The following KEAP1 variants were observed in gnomAD, a reference collection of about 807,000 sequenced individuals.
KEAP1 encodes kelch like ECH associated protein 1, also known as kelch-like ECH-associated protein 1.
A neutral mutation model predicts 59.7 loss-of-function variants in KEAP1; 26 were observed. That is an observed-to-expected ratio of 0.44 (90% CI 0.32 to 0.60). The LOEUF is 0.60. KEAP1 is among the 20% of genes least tolerant of loss of function. The pLI, the probability that KEAP1 is intolerant of heterozygous loss-of-function variation, is 0.06. For synonymous variants in KEAP1, 350 were observed against 358.3 expected, an observed-to-expected ratio of 0.98 and a Z score of 0.26; for missense variants, 539 against 871.4, an observed-to-expected ratio of 0.62 and a Z score of 4.80.
intron 2 of KEAP1, 195 bp from the exon 3 acceptor site, chr19:10,492,457 G>A: frequency 5.2e-6 from 3 of 575,634 alleles, no homozygotes; most frequent in South Asian, 4.1e-5. Flanking sequence ...GGTGGCTCAC[G>A]CCTGTAATGC....
chr19:10,500,202 A>C (rs1914993682), intron 1 of KEAP1, 122 bp from the exon 2 acceptor site: 3 of 710,826 alleles, frequency 4.2e-6, no homozygotes, highest in Admixed American at 6.3e-5. Flanking sequence ...GGTGAAGCAG[A>C]ATCCATTTGC....
At chr19:10,498,640 G>C (rs907595225) in intron 2 of KEAP1, among the ~76,000 whole-genome samples, 2 of 152,054 alleles carry the variant, frequency 1.3e-5, no homozygotes, top group Non-Finnish European at 1.5e-5. Context: ...AGCCTGTCAC[G>C]GGTGTCCAAT....
intron 2 of KEAP1, among the ~76,000 whole-genome samples, chr19:10,494,023 C>T (rs1033886118): frequency 4.6e-5 from 7 of 152,022 alleles, no homozygotes; most frequent in African/African-American, 1.7e-4. Context: ...CTCACTGTAG[C>T]CTTGAACTCC....
rs549967865 is a variant in KEAP1, at chr19:10,489,693, C to T, written c.1486G>A (p.Glu496Lys). The T allele has an allele frequency of 1.2e-4, 189 of 1,613,998 alleles. No individual in the cohort carries two copies. The highest frequency in any genetic ancestry group is 1.5e-4 in the Non-Finnish European group (174 of 1,180,002). ...TTCATTGCTGTGATCATTCGCCACT[C>T]GTTCCTCTCTGGGTAGTAACACTCA... ...SAECYYPERN[E>K]WRMITAMNTI... is the part of the protein sequence containing the mutation. Residue 496 changes from glutamate to lysine, a missense_variant, in exon 4 of 6, where the codon GAG becomes AAG. Coordinates refer to ENST00000171111, the MANE Select transcript of KEAP1 (RefSeq NM_203500.2).
In KEAP1 at chr19:10,492,229, G is replaced by A. The variant is rs149170394; in HGVS notation, c.673C>T (p.His225Tyr). 6.2e-7 allele frequency: 1 copy of A among 1,613,652 alleles called. No individual in the cohort carries two copies. The highest frequency in any genetic ancestry group is 1.3e-5 in the African/African-American group (1 of 74,904). ...CTGATGAGGGTCACCAGTTGGCAGT[G>A]GGACAGGTTGAAGAACTCCTCTTGC... ...AKQEEFFNLS[H>Y]CQLVTLISRD... The change falls in exon 3 of 6, where the codon CAC becomes TAC. Residue 225 changes from histidine (H) to tyrosine (Y), a missense_variant. This residue lies in a region of KEAP1 where 1 missense variants were observed against 20.5 expected (regional missense o/e 0.05). Coordinates refer to ENST00000171111, the MANE Select transcript of KEAP1 (RefSeq NM_203500.2).
intron 5 of KEAP1, among the ~76,000 whole-genome samples, chr19:10,487,784 T>C (rs990955988): frequency 1.3e-5 from 2 of 151,822 alleles, no homozygotes; most frequent in Non-Finnish European, 2.9e-5. Context: ...TCACCTGAGG[T>C]CAGGAGTTCA....
Position 10,503,118 on chromosome 19 carries a change from G to A in KEAP1, c.-48+123C>T, listed in dbSNP as rs1170955927. On this transcript the variant is annotated intron_variant, in intron 1 of 5. Coordinates refer to ENST00000171111, the MANE Select transcript of KEAP1 (RefSeq NM_203500.2). This position sits in a 1 kb window ranked among gnomAD's most constrained non-coding sequence, Gnocchi z 4.3. ...CTCAGCCCCCAGGTCGCCTCCGTAG[G>A]GGGTCCCTCGGGGTGGGGATGGCCG... is the stretch of plus-strand genomic sequence containing the variant. 6.6e-6 allele frequency: 1 copy of A among 152,198 alleles called. No individual in the cohort carries two copies. Among genetic ancestry groups the A allele is most frequent in the Admixed American group, 6.5e-5 (1 of 15,280 alleles). The allele number at this position is 152,198 out of a possible 1,614,324, so 9.4% of individuals were successfully genotyped here. A position where few individuals can be genotyped will look rare whatever the true frequency, so the allele number is the denominator to read the frequency against.
At position 10,491,516 on chromosome 19, in the gene KEAP1, G is replaced by A. The variant is rs2144595636; in HGVS notation, c.1325+61C>T. ...CCTCAGGAAGAATACCCGGATCTCA[G>A]TGTCTTGGGACTTGCCAGGAGCAGG... On this transcript the variant is annotated intron_variant, in intron 3 of 5. Transcript: ENST00000171111. This position sits in a 1 kb window ranked among gnomAD's most constrained non-coding sequence, Gnocchi z 5.2. The A allele has an allele frequency of 1.5e-6, 2 of 1,365,218 alleles. No individual in the cohort carries two copies. Among genetic ancestry groups the A allele is most frequent in the South Asian group, 1.6e-5 (1 of 61,856 alleles). The allele number at this position is 1,365,218 out of a possible 1,614,324, so 84.6% of individuals were successfully genotyped here.
At chr19:10,493,395 C>A (rs1006317217) in intron 2 of KEAP1, among the ~76,000 whole-genome samples, 1 of 151,910 alleles carries the variant, frequency 6.6e-6, no homozygotes, top group African/African-American at 2.4e-5. Context: ...ATCTCCTGAC[C>A]TTGTGATCCA....
chr19:10,486,425 C>G lies in KEAP1; in HGVS notation c.*227G>C, dbSNP rs1160646248. 7.7e-6 allele frequency: 4 copies of G among 519,114 alleles called. No homozygotes were observed. Among genetic ancestry groups the G allele is most frequent in the African/African-American group, 3.9e-5 (2 of 50,972 alleles). The allele number at this position is 519,114 out of a possible 1,614,324, so 32.2% of individuals were successfully genotyped here. ...CTGGAAGCCTGCTCTTTCCACACCC[C>G]CTTTCCCAGCCAGGCTGTCTTGGAC... On this transcript the variant is annotated 3_prime_UTR_variant, in exon 6 of 6. Coordinates refer to ENST00000171111, the MANE Select transcript of KEAP1 (RefSeq NM_203500.2).
At position 10,491,923 on chromosome 19, in the gene KEAP1, G is replaced by A. The variant is rs2144600867; in HGVS notation, c.979C>T (p.Leu327=). The change falls in exon 3 of 6, where the codon CTG becomes TTG. Residue 327 remains leucine (L), a synonymous_variant. Transcript: ENST00000171111. The surrounding 1 kb of genome is among the most constrained non-coding windows in gnomAD (Gnocchi z 5.2). ...AAGTAGCCGCCCGCGGTGTAGATCA[G>A]GCGGCCCACCTTGGGCGCCCGGCAG... ...MPCRAPKVGR[L]IYTAGGYFRQ... 1 of 1,543,428 alleles carries A rather than the reference G, an allele frequency of 6.5e-7. No individual in the cohort carries two copies. Among genetic ancestry groups the A allele is most frequent in the East Asian group, 2.4e-5 (1 of 40,962 alleles).
intron 5 of KEAP1, among the ~76,000 whole-genome samples, chr19:10,487,076 G>T (rs1161603579): frequency 6.7e-6 from 1 of 149,628 alleles, no homozygotes; most frequent in East Asian, 2.0e-4. Flanking sequence ...AGGCTTGGTA[G>T]CTCACGCCTA....
In KEAP1 at chr19:10,499,247, A is replaced by G; in HGVS notation, c.639+148T>C. 1.4e-6 allele frequency: 1 copy of G among 733,078 alleles called. No homozygotes were observed. Among genetic ancestry groups the G allele is most frequent in the Non-Finnish European group, 2.2e-6 (1 of 457,210 alleles). 45.4% of individuals were successfully genotyped at this position (733,078 alleles called of 1,614,324 possible). On this transcript the variant is annotated intron_variant, in intron 2 of 5. Transcript: ENST00000171111. The surrounding 1 kb of genome is among the most constrained non-coding windows in gnomAD (Gnocchi z 6.7). ...CAATCCCCCCGCCTCAGCCCCTCAA[A>G]CTGTGGAGACTACACCACCATACCC...
chr19:10,500,923 G>A (rs184820104), intron 1 of KEAP1, among the ~76,000 whole-genome samples: 2 of 152,186 alleles, frequency 1.3e-5, no homozygotes, highest in African/African-American at 2.4e-5. Flanking sequence ...CAAGTGAGCC[G>A]CCCGCCTTGG....
At chr19:10,493,289 G>A (rs1914737707) in intron 2 of KEAP1, among the ~76,000 whole-genome samples, 1 of 151,704 alleles carries the variant, frequency 6.6e-6, no homozygotes. Context: ...CTCCCGATTA[G>A]CTGGGACTAC....
intron 3 of KEAP1, 93 bp from the exon 4 acceptor site, chr19:10,489,946 T>C: frequency 3.1e-6 from 4 of 1,270,274 alleles, no homozygotes; most frequent in African/African-American, 3.0e-5. Flanking sequence ...TTCCTTTTTT[T>C]TTTCCCCCTT....
In KEAP1 at chr19:10,489,675, C is replaced by T. The variant is rs780855766; in HGVS notation, c.1504G>A (p.Ala502Thr). Reference sequence around the variant, plus strand: ...GCCCCGCTTCGGATGGTGTTCATTGCTGTGATCATTCGCCACTCGTTCCTC... The same window carrying T: ...GCCCCGCTTCGGATGGTGTTCATTGTTGTGATCATTCGCCACTCGTTCCTC... ...PERNEWRMITAMNTIRSGAGV... is the reference protein window; with the variant it reads ...PERNEWRMITTMNTIRSGAGV... Residue 502 changes from alanine (A) to threonine (T), a missense_variant, in exon 4 of 6, where the codon GCA becomes ACA. Physicochemically the swap from Ala to Thr is moderately conservative, Grantham distance 58. Around this residue, in one of 4 missense-constraint regions of KEAP1, gnomAD observed 311 missense variants for 425.2 expected, o/e 0.73. Transcript: ENST00000171111. The T allele has an allele frequency of 6.2e-7, 1 of 1,614,048 alleles. No homozygotes were observed. The highest frequency in any genetic ancestry group is 8.5e-7 in the Non-Finnish European group (1 of 1,180,026).
At chr19:10,495,458 G>A (rs1354940570) in intron 2 of KEAP1, among the ~76,000 whole-genome samples, 1 of 152,150 alleles carries the variant, frequency 6.6e-6, no homozygotes, top group Non-Finnish European at 1.5e-5. Context: ...AGCACTTTGG[G>A]AGGCCAAAGC....
chr19:10,486,733 T>C lies in KEAP1; in HGVS notation c.1794A>G (p.Thr598=). The C allele has an allele frequency of 1.2e-6, 2 of 1,614,040 alleles. No individual in the cohort carries two copies. Among genetic ancestry groups the C allele is most frequent in the Non-Finnish European group, 1.7e-6 (2 of 1,179,998 alleles). ...CCACGCCCACCCCACTCCGGCCCGA[T>C]GTCATTCGGGTCACCTCGCTCCAGG... is the stretch of plus-strand genomic sequence containing the variant. ...TDTWSEVTRM[T]SGRSGVGVAV... Residue 598 remains threonine (T), a synonymous_variant, in exon 6 of 6, where the codon ACA becomes ACG. Transcript: ENST00000171111.
Sources: gnomAD v4.1 joint callset for allele counts (sites outside exome capture counted in the v4.1 genomes callset) on GRCh38, gnomAD v4.1.1 for gene constraint, gnomAD v4.1.1 regional missense constraint, Gnocchi (gnomAD v3.1) non-coding constraint, MANE v1.5 for transcripts, NCBI Gene and HGNC (gene_info 2026-07-23, HGNC 2026-07-21) for gene names.